EGFLAM: variants seen among roughly 807,000 people sequenced by gnomAD.
EGFLAM encodes EGF like, fibronectin type III and laminin G domains.
In EGFLAM, 79 loss-of-function variants were observed where a neutral mutation model predicts 113.1. The observed-to-expected ratio is 0.70, with a 90% confidence interval of 0.58 to 0.84. The LOEUF (loss-of-function observed/expected upper bound fraction) is 0.84, where lower values mean the gene tolerates loss of function less well. Among genes scored for constraint, EGFLAM ranks in the 40% least tolerant of loss-of-function variants. The pLI, the probability that EGFLAM is intolerant of heterozygous loss-of-function variation, is 0.00. For missense variants in EGFLAM, 1,265 were observed against 1,291.6 expected (o/e 0.98, Z 0.32); for synonymous variants, 504 against 487.6 (o/e 1.03, Z -0.44).
chr5:38,403,987 C>T, intron 6 of EGFLAM: 1 of 1,605,448 alleles, frequency 6.2e-7, no homozygotes, highest in Non-Finnish European at 8.5e-7. Context: ...GAGAACACCG[C>T]CTCCCCTTTG....
intron 1 of EGFLAM, among the ~76,000 whole-genome samples, chr5:38,328,696 C>T (rs894892567): frequency 4.9e-5 from 7 of 143,386 alleles, no homozygotes; most frequent in Non-Finnish European, 9.1e-5. Flanking sequence ...TTGAATATTT[C>T]CCCATGTGTG....
chr5:38,394,191 A>G (rs1740890982), intron 6 of EGFLAM, among the ~76,000 whole-genome samples: 1 of 151,804 alleles, frequency 6.6e-6, no homozygotes, highest in Non-Finnish European at 1.5e-5. Flanking sequence ...GTTTATGGGC[A>G]CAGGACAGGG....
At chr5:38,377,847 G>A (rs1030682029) in intron 6 of EGFLAM, among the ~76,000 whole-genome samples, 3 of 152,134 alleles carry the variant, frequency 2.0e-5, no homozygotes, top group East Asian at 1.9e-4. Context: ...TGCTGATAGC[G>A]GGTTGGTGAA....
chr5:38,275,222 C>A (rs1757858456), intron 1 of EGFLAM, among the ~76,000 whole-genome samples: 1 of 152,058 alleles, frequency 6.6e-6, no homozygotes, highest in Non-Finnish European at 1.5e-5. Flanking sequence ...TAAGTGTGTA[C>A]CTATCAATAA....
chr5:38,425,801 T>G (rs529178379), intron 13 of EGFLAM, among the ~76,000 whole-genome samples: 25 of 152,324 alleles, frequency 1.6e-4, no homozygotes, highest in African/African-American at 4.6e-4. Context: ...AGGCTCATGC[T>G]CTTTAGAATT....
chr5:38,271,063 C>A (rs996779263), intron 1 of EGFLAM, among the ~76,000 whole-genome samples: 1 of 151,910 alleles, frequency 6.6e-6, no homozygotes. Flanking sequence ...TTATATTAGT[C>A]ATAAAGTTAT....
At chr5:38,394,660 C>T (rs1288136528) in intron 6 of EGFLAM, among the ~76,000 whole-genome samples, 1 of 150,180 alleles carries the variant, frequency 6.7e-6, no homozygotes, top group Non-Finnish European at 1.5e-5. Context: ...CCACCCGCCT[C>T]GGCCTCCCAA....
intron 17 of EGFLAM, among the ~76,000 whole-genome samples, chr5:38,447,756 CAAAAAAAA>C (rs540815959): frequency 5.8e-5 from 4 of 69,434 alleles, no homozygotes; most frequent in Admixed American, 1.7e-4. Flanking sequence ...AACTTTGTTT[CAAAAAAAA>C]AAAAAAAAAA....
At chr5:38,357,638 G>C (rs371715927) in intron 5 of EGFLAM, among the ~76,000 whole-genome samples, 2 of 152,254 alleles carry the variant, frequency 1.3e-5, no homozygotes, top group East Asian at 3.9e-4. Flanking sequence ...CAGGACTCTG[G>C]CAGGCCAAGG....
rs114921661 is a variant in EGFLAM at position 38,413,458 on chromosome 5, T to C, written c.1494+810T>C. ...GCAGGAATAAGCTGTTCATCTACCT[T>C]TGAGGGGGGCCGTAATTGTAGGAAA... On this transcript the variant is annotated intron_variant, in intron 11 of 21. Coordinates refer to ENST00000322350, the MANE Select transcript of EGFLAM (RefSeq NM_152403.4). Among the ~76,000 whole-genome samples the C allele has an allele frequency of 5.9e-3, 895 of 152,084 alleles. 16 individuals are homozygous for C. Among genetic ancestry groups the C allele is most frequent in the African/African-American group, 0.021 (860 of 41,480 alleles).
chr5:38,319,595 G>A (rs372667634), intron 1 of EGFLAM, among the ~76,000 whole-genome samples: 1 of 152,180 alleles, frequency 6.6e-6, no homozygotes, highest in African/African-American at 2.4e-5. Flanking sequence ...AGAGAGAGGA[G>A]GTGTGAACAA....
intron 1 of EGFLAM, chr5:38,282,215 CT>C (rs1482401227): frequency 3.3e-5 from 5 of 152,104 alleles, no homozygotes; most frequent in Non-Finnish European, 7.4e-5. Context: ...ATTAGGTCAC[CT>C]CCATTGTCTT....
At chr5:38,341,075 T>C (rs1561285111) in intron 3 of EGFLAM, among the ~76,000 whole-genome samples, 2 of 152,152 alleles carry the variant, frequency 1.3e-5, no homozygotes, top group African/African-American at 2.4e-5. Flanking sequence ...TCATAGTGTG[T>C]CTTTGATTCC....
Position 38,451,385 on chromosome 5 carries a change from A to C in EGFLAM, c.2614A>C (p.Arg872=). The C allele has an allele frequency of 1.2e-6, 2 of 1,614,208 alleles. No homozygotes were observed. The highest frequency in any genetic ancestry group is 8.5e-7 in the Non-Finnish European group (1 of 1,180,032). The change falls in exon 19 of 22, where the codon AGG becomes CGG. Residue 872 remains arginine, a synonymous_variant. Coordinates refer to ENST00000322350, the MANE Select transcript of EGFLAM (RefSeq NM_152403.4). The part of the protein sequence containing the change: ...TTAKDGLLLW[R]GDSPMRPNSD... ...TGCCAAGGATGGCCTTTTGCTGTGG[A>C]GGGGAGACAGCCCCATGAGACCCAA...
chr5:38,451,531 T>A (rs1229902426), intron 19 of EGFLAM, 73 bp downstream of exon 19: 1 of 1,549,434 alleles, frequency 6.5e-7, no homozygotes, highest in African/African-American at 1.4e-5. Flanking sequence ...GCCAGAGTGA[T>A]TCAGAAGGGA....
chr5:38,293,301 C>A (rs1245448518), intron 1 of EGFLAM, among the ~76,000 whole-genome samples: 10 of 152,130 alleles, frequency 6.6e-5, no homozygotes, highest in Non-Finnish European at 1.2e-4. Flanking sequence ...GAATCTTCAA[C>A]CTTTCTGAAC....
intron 5 of EGFLAM, among the ~76,000 whole-genome samples, chr5:38,352,669 G>C (rs1469903501): frequency 6.7e-6 from 1 of 149,830 alleles, no homozygotes; most frequent in Non-Finnish European, 1.5e-5. Context: ...AAAGCCAAAT[G>C]TGTAGATGTC....
intron 5 of EGFLAM, among the ~76,000 whole-genome samples, chr5:38,356,409 G>A (rs1739763568): frequency 6.6e-6 from 1 of 152,146 alleles, no homozygotes; most frequent in African/African-American, 2.4e-5. Context: ...TAGACACTCA[G>A]CGTGTATCTG....
intron 6 of EGFLAM, among the ~76,000 whole-genome samples, chr5:38,379,000 G>T (rs1740439511): frequency 6.6e-6 from 1 of 152,154 alleles, no homozygotes; most frequent in African/African-American, 2.4e-5. Context: ...GCCACTGGGG[G>T]TTCTGTAGCT....
Sources: gnomAD v4.1 joint callset for allele counts (sites outside exome capture counted in the v4.1 genomes callset) on GRCh38, gnomAD v4.1.1 for gene constraint, MANE v1.5 for transcripts, NCBI Gene and HGNC (gene_info 2026-07-23, HGNC 2026-07-21) for gene names.